Variants in BRIP1 observed in about 807,000 individuals in gnomAD.
The protein encoded by BRIP1 is BRCA1 interacting DNA helicase 1, also known as Fanconi anemia group J protein.
Under a neutral mutation model 119.7 loss-of-function variants are expected in BRIP1, and 88 were observed. The observed-to-expected ratio is 0.74, with a 90% CI of 0.62 to 0.88. The LOEUF (loss-of-function observed/expected upper bound fraction) is 0.88. Ranked by LOEUF, BRIP1 falls within the 40% of genes least tolerant of loss-of-function variation. The probability of loss-of-function intolerance (pLI) is 0.00; values close to 1 mark genes in which losing one functional copy is unlikely to be tolerated. For synonymous variants in BRIP1, 443 were observed against 496.5 expected (o/e 0.89, Z 1.43); for missense variants, 1,259 against 1,455.4 (o/e 0.87, Z 2.20).
In BRIP1 at chr17:61,705,183, C is replaced by T. The variant is rs1237052166; in HGVS notation, c.2492+10768G>A. Among the ~76,000 whole-genome samples, 1 of 152,096 alleles carries T rather than the reference C, an allele frequency of 6.6e-6. No individual in the cohort carries two copies. The highest frequency in any genetic ancestry group is 6.6e-5 in the Admixed American group (1 of 15,258). On this transcript the variant is annotated intron_variant, in intron 17 of 19. Coordinates refer to ENST00000259008, the MANE Select transcript of BRIP1 (RefSeq NM_032043.3). The surrounding 1 kb of genome is among the most constrained non-coding windows in gnomAD (Gnocchi z 5.0). ...TTTATCTCCCATTTATAAGTGGGAACATATGGTATTTGGTTTTCTGTTTCT... is the reference window on the plus strand; with the variant it reads ...TTTATCTCCCATTTATAAGTGGGAATATATGGTATTTGGTTTTCTGTTTCT...
At chr17:61,697,381 TTTC>T (rs2061545490) in intron 17 of BRIP1, among the ~76,000 whole-genome samples, 1 of 149,214 alleles carries the variant, frequency 6.7e-6, no homozygotes. Context: ...AGATATTCTA[TTTC>T]TTCTTGATAT....
In BRIP1 at chr17:61,806,889, T is replaced by G. The variant is rs1413604535; in HGVS notation, c.918+1578A>C. Among the ~76,000 whole-genome samples the G allele has an allele frequency of 6.6e-6, 1 of 152,100 alleles. No homozygotes were observed. Among genetic ancestry groups the G allele is most frequent in the Non-Finnish European group, 1.5e-5 (1 of 67,982 alleles). On this transcript the variant is annotated intron_variant, in intron 7 of 19. Coordinates refer to ENST00000259008, the MANE Select transcript of BRIP1 (RefSeq NM_032043.3). The surrounding 1 kb of genome is among the most constrained non-coding windows in gnomAD (Gnocchi z 4.9). ...ATTTTTTGTATTTTTAGTAGAGATG[T>G]GTTTTGCCATGTTGGCCAGGCCAGT...
At position 61,834,009 on chromosome 17, in the gene BRIP1, G is replaced by A. The variant is rs1433356246; in HGVS notation, c.627+13092C>T. The stretch of plus-strand genomic sequence containing the variant: ...ACTGTTATAACGCAAAAGTTCCACA[G>A]ACAATATGTATAAACAAATGTAAAA... On this transcript the variant is annotated intron_variant, in intron 6 of 19. Transcript: ENST00000259008. The surrounding 1 kb of genome is among the most constrained non-coding windows in gnomAD (Gnocchi z 4.4). 1.3e-5 allele frequency among the ~76,000 whole-genome samples: 2 copies of A among 152,204 alleles called. No homozygotes were observed. The highest frequency in any genetic ancestry group is 6.5e-5 in the Admixed American group (1 of 15,288).
At position 61,795,865 on chromosome 17, in the gene BRIP1, C is replaced by A. The variant is rs1320168864; in HGVS notation, c.1341-2136G>T. 6.6e-6 allele frequency among the ~76,000 whole-genome samples: 1 copy of A among 152,046 alleles called. No individual in the cohort carries two copies. Among genetic ancestry groups the A allele is most frequent in the East Asian group, 1.9e-4 (1 of 5,188 alleles). The stretch of plus-strand genomic sequence containing the variant: ...CATAGTGGTTGTCCTAATTTACATT[C>A]CCACCAACAGTATACGAGGGTTGTC... On this transcript the variant is annotated intron_variant, in intron 9 of 19. Transcript: ENST00000259008. This position sits in a 1 kb window ranked among gnomAD's most constrained non-coding sequence, Gnocchi z 5.6.
rs1290371080 is a variant in BRIP1 at position 61,734,248 on chromosome 17, C to T, written c.2379+8765G>A. On this transcript the variant is annotated intron_variant, in intron 16 of 19. Coordinates refer to ENST00000259008, the MANE Select transcript of BRIP1 (RefSeq NM_032043.3). This position sits in a 1 kb window ranked among gnomAD's most constrained non-coding sequence, Gnocchi z 5.2. ...TTGCTTTAGATATCCATTAAAAAGG[C>T]AGCCTTGTTATACTGTGATTTAATT... Among the ~76,000 whole-genome samples, 1 of 151,138 alleles carries T rather than the reference C, an allele frequency of 6.6e-6. No homozygotes were observed. The highest frequency in any genetic ancestry group is 1.5e-5 in the Non-Finnish European group (1 of 67,262).
chr17:61,824,264 G>A lies in BRIP1; in HGVS notation c.628-15507C>T, dbSNP rs1006052569. 6.6e-6 allele frequency among the ~76,000 whole-genome samples: 1 copy of A among 151,900 alleles called. No homozygotes were observed. Among genetic ancestry groups the A allele is most frequent in the African/African-American group, 2.4e-5 (1 of 41,228 alleles). Reference sequence around the variant, plus strand: ...AAAATGTGTTTCAAAACAAAGCGACGGTTCCTATCAATAACCCAATGAAGT... The same window carrying A: ...AAAATGTGTTTCAAAACAAAGCGACAGTTCCTATCAATAACCCAATGAAGT... On this transcript the variant is annotated intron_variant, in intron 6 of 19. Transcript: ENST00000259008. The surrounding 1 kb of genome is among the most constrained non-coding windows in gnomAD (Gnocchi z 4.3).
At position 61,775,509 on chromosome 17, in the gene BRIP1, G is replaced by A. The variant is rs139021872; in HGVS notation, c.2097+892C>T. Among the ~76,000 whole-genome samples the A allele has an allele frequency of 2.6e-3, 401 of 152,174 alleles. 1 individual carries two copies. The highest frequency in any genetic ancestry group is 9.3e-3 in the African/African-American group (387 of 41,512). ...GAAGGGAACGCCACTTCTCTACATT[G>A]GATTTAGGTTAGATTTTGATGCAAT... On this transcript the variant is annotated intron_variant, in intron 14 of 19. Coordinates refer to ENST00000259008, the MANE Select transcript of BRIP1 (RefSeq NM_032043.3). The surrounding 1 kb of genome is among the most constrained non-coding windows in gnomAD (Gnocchi z 4.4).
rs995942643 is a variant in BRIP1, at chr17:61,687,637, G to A, written c.2576-1472C>T. On this transcript the variant is annotated intron_variant, in intron 18 of 19. Coordinates refer to ENST00000259008, the MANE Select transcript of BRIP1 (RefSeq NM_032043.3). The surrounding 1 kb of genome is among the most constrained non-coding windows in gnomAD (Gnocchi z 5.1). ...AATGTATTTTTTTTTTAGCTAAAAG[G>A]TAATAATAAAGATACACATGTATCC... Among the ~76,000 whole-genome samples the A allele has an allele frequency of 1.3e-5, 2 of 151,656 alleles. No homozygotes were observed. The highest frequency in any genetic ancestry group is 4.8e-5 in the African/African-American group (2 of 41,260).
Position 61,793,628 on chromosome 17 carries a change from C to T in BRIP1, c.1442G>A (p.Gly481Asp), listed in dbSNP as rs200062099. ...AATGGGAAAAGTAGCAGTGGTGATA[C>T]CCATTTTGTGTAAAGTTAAGAGCAT... ...NEMLLTLHKMGITTATFPILQ... is the reference protein window; with the variant it reads ...NEMLLTLHKMDITTATFPILQ... Residue 481 changes from glycine (G) to aspartate (D), a missense_variant, in exon 10 of 20, where the codon GGT (glycine) becomes GAT (aspartate). By Grantham distance (94) the Gly-to-Asp change is moderately conservative. Around this residue, in one of 3 missense-constraint regions of BRIP1, gnomAD observed 753 missense variants for 891.8 expected, o/e 0.84. Coordinates refer to ENST00000259008, the MANE Select transcript of BRIP1 (RefSeq NM_032043.3). The surrounding 1 kb of genome is among the most constrained non-coding windows in gnomAD (Gnocchi z 5.2). 127 of 1,607,944 alleles carry T rather than the reference C, an allele frequency of 7.9e-5. 1 individual carries two copies. In the East Asian group the frequency reaches 2.8e-3, roughly 35 times the overall value.
intron 11 of BRIP1, among the ~76,000 whole-genome samples, chr17:61,782,257 GC>G (rs1391156383): frequency 1.3e-5 from 2 of 150,766 alleles, no homozygotes; most frequent in African/African-American, 4.9e-5. Flanking sequence ...TTAGTGGCGG[GC>G]GCCTGTAGTC....
rs587780249 is a variant in BRIP1, at chr17:61,683,634, C to T, written c.3412G>A (p.Asp1138Asn). The change falls in exon 20 of 20, where the codon GAT becomes AAT. Residue 1138 changes from aspartate (D) to asparagine (N), a missense_variant. Around this residue, in one of 3 missense-constraint regions of BRIP1, gnomAD observed 753 missense variants for 891.8 expected, o/e 0.84. Coordinates refer to ENST00000259008, the MANE Select transcript of BRIP1 (RefSeq NM_032043.3). This position sits in a 1 kb window ranked among gnomAD's most constrained non-coding sequence, Gnocchi z 4.7. Reference sequence around the variant, plus strand: ...TTTTCTTCATCTGTATCTTCAGGATCATAAAGTTCAGGTGTAAAATAGATA... The same window carrying T: ...TTTTCTTCATCTGTATCTTCAGGATTATAAAGTTCAGGTGTAAAATAGATA... ...ESIYFTPELY[D>N]PEDTDEEKND... is the part of the protein sequence containing the mutation. The T allele has an allele frequency of 1.3e-5, 21 of 1,612,458 alleles. No individual in the cohort carries two copies. Among genetic ancestry groups the T allele is most frequent in the Admixed American group, 5.0e-5 (3 of 59,992 alleles).
At position 61,682,443 on chromosome 17, in the gene BRIP1, CA is replaced by C. The variant is rs1440877515; in HGVS notation, c.*852del. 3.9e-5 allele frequency: 8 copies of C among 204,070 alleles called. No homozygotes were observed. The highest frequency in any genetic ancestry group is 1.2e-4 in the Admixed American group (2 of 16,750). The allele number at this position is 204,070 out of a possible 1,614,324, so 12.6% of individuals were successfully genotyped here. A position where few individuals can be genotyped will look rare whatever the true frequency, so the allele number is the denominator to read the frequency against. On this transcript the variant is annotated 3_prime_UTR_variant, in exon 20 of 20. Transcript: ENST00000259008. The surrounding 1 kb of genome is among the most constrained non-coding windows in gnomAD (Gnocchi z 4.9). ...CATTTGGCATTTTATATCTTTACGT[CA>C]ATTTGTTTATGACATGTTTGGTTTT... is the stretch of plus-strand genomic sequence containing the variant.
Position 61,834,068 on chromosome 17 carries a change from C to T in BRIP1, c.627+13033G>A, listed in dbSNP as rs891234204. ...AAAAAACTTTATTTATAAAAGCAGG[C>T]AGCAGGCTGTATTCTGCCCATGGGT... On this transcript the variant is annotated intron_variant, in intron 6 of 19. Transcript: ENST00000259008. The surrounding 1 kb of genome is among the most constrained non-coding windows in gnomAD (Gnocchi z 4.4). Among the ~76,000 whole-genome samples the T allele has an allele frequency of 6.6e-6, 1 of 152,070 alleles. No individual in the cohort carries two copies. Among genetic ancestry groups the T allele is most frequent in the Non-Finnish European group, 1.5e-5 (1 of 68,018 alleles).
rs2061253361 is a variant in BRIP1, at chr17:61,680,128, A to C, written c.*3168T>G. Among the ~76,000 whole-genome samples the C allele has an allele frequency of 1.3e-5, 2 of 149,888 alleles. No homozygotes were observed. The highest frequency in any genetic ancestry group is 3.0e-5 in the Non-Finnish European group (2 of 67,524). On this transcript the variant is annotated 3_prime_UTR_variant, in exon 20 of 20. Transcript: ENST00000259008. ...GAGGCCGAGGTGGGCAGATCACTTG[A>C]GGTCAGGAGTTTGAGACCAGCCTGG...
Position 61,775,774 on chromosome 17 carries a change from GCT to G in BRIP1, c.2097+625_2097+626del, listed in dbSNP as rs2077522746. On this transcript the variant is annotated intron_variant, in intron 14 of 19. Coordinates refer to ENST00000259008, the MANE Select transcript of BRIP1 (RefSeq NM_032043.3). The surrounding 1 kb of genome is among the most constrained non-coding windows in gnomAD (Gnocchi z 4.4). ...GTAATTTATGAAAATAAAAAAGAAT[GCT>G]CTGTTTCTTTCTACTCTGAAAATAT... 1 of 152,222 alleles carries G rather than the reference GCT, an allele frequency of 6.6e-6. No individual in the cohort carries two copies. The highest frequency in any genetic ancestry group is 2.1e-4 in the South Asian group (1 of 4,822). 9.4% of individuals were successfully genotyped at this position (152,222 alleles called of 1,614,324 possible).
rs1007268429 is a variant in BRIP1, at chr17:61,851,462, C to A, written c.380-2206G>T. Among the ~76,000 whole-genome samples the A allele has an allele frequency of 3.3e-5, 5 of 152,038 alleles. No homozygotes were observed. Among genetic ancestry groups the A allele is most frequent in the Non-Finnish European group, 7.4e-5 (5 of 68,016 alleles). ...CTTTTGTATATGGTATAAAGTAGGGCTCCAATTTCAATTTTTTCCATATGG... is the reference window on the plus strand; with the variant it reads ...CTTTTGTATATGGTATAAAGTAGGGATCCAATTTCAATTTTTTCCATATGG... On this transcript the variant is annotated intron_variant, in intron 4 of 19. Transcript: ENST00000259008. The surrounding 1 kb of genome is among the most constrained non-coding windows in gnomAD (Gnocchi z 4.6).
chr17:61,787,096 T>C (rs2077731325), intron 10 of BRIP1, among the ~76,000 whole-genome samples: 2 of 113,800 alleles, frequency 1.8e-5, no homozygotes, highest in South Asian at 5.2e-4. Context: ...CATGTTTATG[T>C]ATTAATAAAT....
chr17:61,719,580 C>T (rs2061938317), intron 16 of BRIP1, among the ~76,000 whole-genome samples: 1 of 151,760 alleles, frequency 6.6e-6, no homozygotes, highest in Admixed American at 6.6e-5. Context: ...AAAAAATTAG[C>T]CAGGTGTGGT....
rs1450123506 is a variant in BRIP1, at chr17:61,768,925, T to C, written c.2097+7476A>G. Among the ~76,000 whole-genome samples, 1 of 152,070 alleles carries C rather than the reference T, an allele frequency of 6.6e-6. No individual in the cohort carries two copies. The highest frequency in any genetic ancestry group is 1.5e-5 in the Non-Finnish European group (1 of 67,998). On this transcript the variant is annotated intron_variant, in intron 14 of 19. Transcript: ENST00000259008. The surrounding 1 kb of genome is among the most constrained non-coding windows in gnomAD (Gnocchi z 5.0). ...AATGCACCCCTACAGAAGAGACACCTTTGTTGGCTTTGAAGAAGGAAAAAA... is the reference window on the plus strand; with the variant it reads ...AATGCACCCCTACAGAAGAGACACCCTTGTTGGCTTTGAAGAAGGAAAAAA...
Sources: allele counts gnomAD v4.1 joint callset (sites outside exome capture counted in the v4.1 genomes callset), GRCh38; gene constraint gnomAD v4.1.1; regional missense constraint gnomAD v4.1.1; non-coding constraint Gnocchi (gnomAD v3.1); transcripts MANE v1.5; gene names NCBI Gene and HGNC (gene_info 2026-07-23, HGNC 2026-07-21).